MRPL1: variants seen among roughly 807,000 people sequenced by gnomAD.
MRPL1 encodes the protein mitochondrial ribosomal protein L1.
A neutral mutation model predicts 38.0 loss-of-function variants in MRPL1; 28 were observed. The observed-to-expected ratio is 0.74, with a 90% CI of 0.55 to 1.01. The LOEUF is 1.01. Ranked by LOEUF, MRPL1 falls within the 50% of genes least tolerant of loss-of-function variation. The pLI is 0.00. For missense variants in MRPL1, 358 were observed against 389.8 expected (o/e 0.92, Z 0.69); for synonymous variants, 123 against 126.7 (o/e 0.97, Z 0.20).
chr4:77,934,491 C>A (rs1018992228), intron 7 of MRPL1, among the ~76,000 whole-genome samples: 2 of 152,044 alleles, frequency 1.3e-5, no homozygotes, highest in Non-Finnish European at 2.9e-5. Context: ...CAATGAGATA[C>A]CCCTTCATAC....
At chr4:77,876,221 C>A (rs188775238) in intron 2 of MRPL1, among the ~76,000 whole-genome samples, 1 of 152,296 alleles carries the variant, frequency 6.6e-6, no homozygotes, top group East Asian at 1.9e-4. Flanking sequence ...GATCTGCCCG[C>A]CTCAGCCTCC....
At chr4:77,881,392 A>G (rs924393309) in intron 2 of MRPL1, among the ~76,000 whole-genome samples, 1 of 151,284 alleles carries the variant, frequency 6.6e-6, no homozygotes, top group African/African-American at 2.4e-5. Context: ...CTAGATACCT[A>G]GGAAGTATTT....
intron 1 of MRPL1, among the ~76,000 whole-genome samples, chr4:77,871,161 TAGTG>T (rs936279604): frequency 6.6e-6 from 1 of 152,094 alleles, no homozygotes; most frequent in African/African-American, 2.4e-5. Flanking sequence ...TTCAAGGTTA[TAGTG>T]AGCTGTGTTC....
intron 5 of MRPL1, 21 bp from the exon 6 acceptor site, chr4:77,894,118 C>CTTT: frequency 8.9e-7 from 1 of 1,118,210 alleles, no homozygotes; most frequent in Non-Finnish European, 1.3e-6. Flanking sequence ...CTGAGGTCAC[C>CTTT]TTTTTTTTTT....
intron 6 of MRPL1, among the ~76,000 whole-genome samples, chr4:77,900,604 A>G (rs1333426577): frequency 6.6e-6 from 1 of 152,214 alleles, no homozygotes; most frequent in African/African-American, 2.4e-5. Flanking sequence ...GCTTTCTATC[A>G]TTTGGTATAT....
At chr4:77,876,109 A>G (rs1735383196) in intron 2 of MRPL1, among the ~76,000 whole-genome samples, 1 of 152,096 alleles carries the variant, frequency 6.6e-6, no homozygotes, top group Non-Finnish European at 1.5e-5. Context: ...AGTAGCTAGG[A>G]TTACAGGCGT....
intron 2 of MRPL1, among the ~76,000 whole-genome samples, chr4:77,879,956 T>G (rs919571060): frequency 6.6e-6 from 1 of 152,190 alleles, no homozygotes; most frequent in African/African-American, 2.4e-5. Context: ...ATTTACTGAG[T>G]ACTAAAAGTG....
At position 77,922,332 on chromosome 4, in the gene MRPL1, T is replaced by C. The variant is rs373210047; in HGVS notation, c.777+12960T>C. On this transcript the variant is annotated intron_variant, in intron 7 of 8. Transcript: ENST00000315567. ...CAAGGCCTTGACAGTATATCTGGTA[T>C]GGTTGAGGACTAGCATAGCTAGCGT... Among the ~76,000 whole-genome samples, 6 of 152,334 alleles carry C rather than the reference T, an allele frequency of 3.9e-5. No individual in the cohort carries two copies. The East Asian group carries it at 1.2e-3, about 29-fold the overall frequency.
rs924176252 is a variant in MRPL1, at chr4:77,868,036, A to G, written c.32-3708A>G. Among the ~76,000 whole-genome samples, 10 of 150,504 alleles carry G rather than the reference A, an allele frequency of 6.6e-5. No homozygotes were observed. In the South Asian group the frequency reaches 8.4e-4, roughly 13 times the overall value. On this transcript the variant is annotated intron_variant, in intron 1 of 8. Transcript: ENST00000315567. The stretch of plus-strand genomic sequence containing the variant: ...CCCCCAAAGTGCTGGGATTACAGAC[A>G]TGAGCCACCGCGCCTGGCCAGTTAT...
chr4:77,880,792 AC>A (rs2110233801), intron 2 of MRPL1, among the ~76,000 whole-genome samples: 1 of 152,318 alleles, frequency 6.6e-6, no homozygotes, highest in South Asian at 2.1e-4. Context: ...TTGCTATGTA[AC>A]AAACCACTCC....
chr4:77,870,378 C>T (rs907224238), intron 1 of MRPL1, among the ~76,000 whole-genome samples: 10 of 152,142 alleles, frequency 6.6e-5, no homozygotes, highest in Admixed American at 3.9e-4. Context: ...ATTTATCATA[C>T]GTGATTTTTC....
chr4:77,939,962 G>A (rs942938253), intron 7 of MRPL1, among the ~76,000 whole-genome samples: 3 of 152,166 alleles, frequency 2.0e-5, no homozygotes, highest in Non-Finnish European at 4.4e-5. Flanking sequence ...AGTATAGTTT[G>A]AAGTCAGGTA....
At chr4:77,901,489 A>G (rs965460172) in intron 6 of MRPL1, among the ~76,000 whole-genome samples, 1 of 151,934 alleles carries the variant, frequency 6.6e-6, no homozygotes, top group African/African-American at 2.4e-5. Context: ...AAACCCAACT[A>G]TATGCTGTCT....
intron 7 of MRPL1, among the ~76,000 whole-genome samples, chr4:77,915,551 A>T (rs578118104): frequency 9.9e-4 from 150 of 152,186 alleles, no homozygotes; most frequent in African/African-American, 3.2e-3. Flanking sequence ...AGTAGCTGGG[A>T]CTACAGGTGT....
chr4:77,892,139 T>C (rs960880110), intron 5 of MRPL1, among the ~76,000 whole-genome samples: 46 of 151,976 alleles, frequency 3.0e-4, no homozygotes, highest in African/African-American at 7.0e-4. Flanking sequence ...TTTTTTTTTT[T>C]TCTCTTTTTG....
chr4:77,862,994 G>A (rs1735037903), intron 1 of MRPL1, 115 bp downstream of exon 1: 3 of 1,338,528 alleles, frequency 2.2e-6, no homozygotes, highest in South Asian at 2.4e-5. Context: ...GCTGTTTCTG[G>A]TCTCTAGGTT....
intron 2 of MRPL1, among the ~76,000 whole-genome samples, chr4:77,877,334 C>G (rs933519045): frequency 6.6e-6 from 1 of 152,210 alleles, no homozygotes. Flanking sequence ...TCAATCTTGT[C>G]AGGAGTTGAG....
intron 7 of MRPL1, among the ~76,000 whole-genome samples, chr4:77,923,825 T>C (rs1179326650): frequency 6.6e-6 from 1 of 151,974 alleles, no homozygotes; most frequent in East Asian, 1.9e-4. Context: ...TAGTCCCAGC[T>C]ACTTGGAAGG....
rs545391171 is a variant in MRPL1 at position 77,869,385 on chromosome 4, A to T, written c.32-2359A>T. 3.3e-5 allele frequency among the ~76,000 whole-genome samples: 5 copies of T among 152,334 alleles called. No homozygotes were observed. The East Asian group carries it at 9.6e-4, about 29-fold the overall frequency. ...GAATAAGGGGAAGAGAAATGTATTA[A>T]TAAAGGAGATAAAATAATACAGCTA... On this transcript the variant is annotated intron_variant, in intron 1 of 8. Transcript: ENST00000315567.
Sources: gnomAD v4.1 joint callset for allele counts (sites outside exome capture counted in the v4.1 genomes callset) on GRCh38, gnomAD v4.1.1 for gene constraint, MANE v1.5 for transcripts, NCBI Gene and HGNC (gene_info 2026-07-23, HGNC 2026-07-21) for gene names.